The following SHC4 variants were observed in gnomAD, a reference collection of about 807,000 sequenced individuals.
SHC4 encodes SHC adaptor protein 4.
Under a neutral mutation model 69.4 loss-of-function variants are expected in SHC4, and 41 were observed. The observed-to-expected ratio is 0.59, with a 90% CI of 0.46 to 0.77. The LOEUF is 0.77. SHC4 is among the 30% of genes least tolerant of loss of function. The pLI, the probability that SHC4 is intolerant of heterozygous loss-of-function variation, is 0.00. For missense variants in SHC4, 777 were observed against 783.8 expected, an observed-to-expected ratio of 0.99 and a Z score of 0.10; for synonymous variants, 318 against 299.3, an observed-to-expected ratio of 1.06 and a Z score of -0.64.
At chr15:48,953,240 G>A (rs1901393833) in intron 1 of SHC4, among the ~76,000 whole-genome samples, 1 of 152,044 alleles carries the variant, frequency 6.6e-6, no homozygotes, top group African/African-American at 2.4e-5. Flanking sequence ...CATATAGAGG[G>A]GAACAACACA....
At chr15:48,939,274 G>A (rs1384667328) in intron 1 of SHC4, among the ~76,000 whole-genome samples, 1 of 152,200 alleles carries the variant, frequency 6.6e-6, no homozygotes, top group African/African-American at 2.4e-5. Flanking sequence ...AGAGGCTCCA[G>A]ACCAGCCTCA....
chr15:48,860,370 G>C (rs2140985931), intron 6 of SHC4, among the ~76,000 whole-genome samples: 1 of 152,106 alleles, frequency 6.6e-6, no homozygotes, highest in East Asian at 1.9e-4. Flanking sequence ...GGCTGGGCAT[G>C]GTGGCAGGTG....
chr15:48,945,189 A>G (rs1364964627), intron 1 of SHC4, among the ~76,000 whole-genome samples: 1 of 152,354 alleles, frequency 6.6e-6, no homozygotes, highest in Admixed American at 6.5e-5. Flanking sequence ...CTGACTGAAC[A>G]AAAGAAATCT....
intron 1 of SHC4, among the ~76,000 whole-genome samples, chr15:48,959,734 G>T (rs1901510461): frequency 6.6e-6 from 1 of 152,094 alleles, no homozygotes. Context: ...TGGTTCATTT[G>T]GTATGATATT....
chr15:48,918,255 GATTT>G (rs1039341317), intron 2 of SHC4, among the ~76,000 whole-genome samples: 1 of 147,460 alleles, frequency 6.8e-6, no homozygotes, highest in African/African-American at 2.5e-5. Context: ...GGAAATATTT[GATTT>G]GAGTGTGGTG....
chr15:48,899,240 G>A (rs952216819), intron 2 of SHC4, among the ~76,000 whole-genome samples: 1 of 152,148 alleles, frequency 6.6e-6, no homozygotes, highest in African/African-American at 2.4e-5. Context: ...GCCAAGGTAG[G>A]CGGATCACTT....
At chr15:48,866,257 C>T (rs1042961758) in intron 6 of SHC4, among the ~76,000 whole-genome samples, 1 of 152,144 alleles carries the variant, frequency 6.6e-6, no homozygotes, top group Non-Finnish European at 1.5e-5. Flanking sequence ...TCCCACTGCC[C>T]CATTCACTGG....
At chr15:48,855,857 T>C in intron 8 of SHC4, 96 bp downstream of exon 8, 1 of 1,308,168 alleles carries the variant, frequency 7.6e-7, no homozygotes. Flanking sequence ...GACAGGACTT[T>C]CTCTAAACTA....
intron 9 of SHC4, among the ~76,000 whole-genome samples, chr15:48,845,356 T>C (rs1158213173): frequency 6.6e-6 from 1 of 152,220 alleles, no homozygotes; most frequent in Non-Finnish European, 1.5e-5. Context: ...TGTCATCTTG[T>C]CATGTGTCAT....
At chr15:48,826,657 G>T (rs1733546879) in intron 11 of SHC4, among the ~76,000 whole-genome samples, 1 of 152,182 alleles carries the variant, frequency 6.6e-6, no homozygotes, top group Admixed American at 6.5e-5. Flanking sequence ...CCTCTTTGCA[G>T]TATTATTGTT....
chr15:48,849,223 C>G (rs1899158155), intron 9 of SHC4, among the ~76,000 whole-genome samples: 1 of 152,104 alleles, frequency 6.6e-6, no homozygotes, highest in African/African-American at 2.4e-5. Flanking sequence ...TCTCTCTCTT[C>G]TTTCCCCTGC....
At chr15:48,911,610 T>C (rs1370078682) in intron 2 of SHC4, among the ~76,000 whole-genome samples, 1 of 152,212 alleles carries the variant, frequency 6.6e-6, no homozygotes, top group Non-Finnish European at 1.5e-5. Flanking sequence ...GCATTCATCG[T>C]GCTCTTTGTT....
chr15:48,876,575 T>C, intron 4 of SHC4: 3 of 697,206 alleles, frequency 4.3e-6, no homozygotes, highest in South Asian at 3.0e-5. Context: ...CAATAGGCTG[T>C]CTGCAGGCTA....
In SHC4 at chr15:48,855,935, CAAT is replaced by C. The variant is rs1399452948; in HGVS notation, c.1242+15_1242+17del. The C allele has an allele frequency of 6.3e-7, 1 of 1,596,732 alleles. No individual in the cohort carries two copies. The highest frequency in any genetic ancestry group is 1.7e-5 in the Admixed American group (1 of 57,808). On this transcript the variant is annotated intron_variant, in intron 8 of 11. Coordinates refer to ENST00000332408, the MANE Select transcript of SHC4 (RefSeq NM_203349.4). ...AGAATTGCATTGCTGGTTCCAACAA[CAAT>C]AAAACATTACATACCAAATAGCACA...
intron 2 of SHC4, among the ~76,000 whole-genome samples, chr15:48,898,902 T>C (rs1332198223): frequency 6.6e-6 from 1 of 152,228 alleles, no homozygotes; most frequent in Non-Finnish European, 1.5e-5. Flanking sequence ...TTCAAAAGAT[T>C]GTTCTCCTTT....
At chr15:48,828,622 T>C (rs1898737331) in intron 11 of SHC4, among the ~76,000 whole-genome samples, 1 of 152,204 alleles carries the variant, frequency 6.6e-6, no homozygotes, top group African/African-American at 2.4e-5. Context: ...CCACCAATAG[T>C]GCACGAGGGC....
chr15:48,924,956 T>C lies in SHC4; in HGVS notation c.586-7A>G. On this transcript the variant is annotated splice_polypyrimidine_tract_variant and splice_region_variant and intron_variant, in intron 1 of 11. Coordinates refer to ENST00000332408, the MANE Select transcript of SHC4 (RefSeq NM_203349.4). Reference sequence around the variant, plus strand: ...CTTCAACACAGCCCATGTACTACAATAAGAAGAAAAAAAAGAAGAAGTAGG... The same window carrying C: ...CTTCAACACAGCCCATGTACTACAACAAGAAGAAAAAAAAGAAGAAGTAGG... The C allele has an allele frequency of 6.2e-7, 1 of 1,613,510 alleles. No homozygotes were observed. Among genetic ancestry groups the C allele is most frequent in the Non-Finnish European group, 8.5e-7 (1 of 1,179,824 alleles).
At chr15:48,941,361 G>C (rs752900363) in intron 1 of SHC4, among the ~76,000 whole-genome samples, 5 of 152,186 alleles carry the variant, frequency 3.3e-5, no homozygotes, top group Non-Finnish European at 5.9e-5. Context: ...AGTCAACGTA[G>C]AAGCCAGGTA....
At chr15:48,938,937 A>G (rs1037543896) in intron 1 of SHC4, among the ~76,000 whole-genome samples, 1 of 152,200 alleles carries the variant, frequency 6.6e-6, no homozygotes, top group African/African-American at 2.4e-5. Flanking sequence ...AACCTTGGAC[A>G]AATAACTTTA....
Sources: gnomAD v4.1 joint callset for allele counts (sites outside exome capture counted in the v4.1 genomes callset) on GRCh38, gnomAD v4.1.1 for gene constraint, MANE v1.5 for transcripts, NCBI Gene and HGNC (gene_info 2026-07-23, HGNC 2026-07-21) for gene names.